Variants in CMIP observed in about 807,000 individuals in gnomAD.
CMIP encodes the protein C-Maf-inducing protein.
CMIP carries 13 observed loss-of-function variants against 97.3 expected under a neutral mutation model. The ratio of observed to expected loss-of-function variants is 0.13; its 90% confidence interval spans 0.09 to 0.21. The LOEUF (loss-of-function observed/expected upper bound fraction) is 0.21. Ranked by LOEUF, CMIP falls within the 10% of genes least tolerant of loss-of-function variation. The probability of loss-of-function intolerance (pLI) is 1.00; values close to 1 mark genes in which losing one functional copy is unlikely to be tolerated. For synonymous variants in CMIP, 538 were observed against 436.3 expected (o/e 1.23, Z -2.91); for missense variants, 847 against 1,024.9 (o/e 0.83, Z 2.37).
intron 1 of CMIP, among the ~76,000 whole-genome samples, chr16:81,557,018 A>G (rs998452224): frequency 4.1e-4 from 63 of 152,208 alleles, no homozygotes; most frequent in Admixed American, 7.8e-4. Context: ...GTTCACGCAA[A>G]GTGTCCGGGT....
chr16:81,517,964 T>C, intron 1 of CMIP: 3 of 969,958 alleles, frequency 3.1e-6, no homozygotes, highest in Non-Finnish European at 3.7e-6. Context: ...CGCCAGTGGA[T>C]GTGTGGAATT....
intron 1 of CMIP, among the ~76,000 whole-genome samples, chr16:81,591,263 C>G (rs997686835): frequency 6.6e-6 from 1 of 152,180 alleles, no homozygotes; most frequent in African/African-American, 2.4e-5. Context: ...GCAGTTGACC[C>G]AGTATCTGGC....
At chr16:81,471,331 C>G (rs956839345) in intron 1 of CMIP, among the ~76,000 whole-genome samples, 4 of 152,176 alleles carry the variant, frequency 2.6e-5, no homozygotes, top group Non-Finnish European at 5.9e-5. Context: ...CATATGCACA[C>G]ATAAATATGT....
At chr16:81,510,393 C>T (rs761231235) in intron 1 of CMIP, among the ~76,000 whole-genome samples, 7 of 152,174 alleles carry the variant, frequency 4.6e-5, no homozygotes, top group Non-Finnish European at 7.3e-5. Context: ...GTTATTACCA[C>T]CTAACATTAT....
chr16:81,586,664 A>G (rs902096104), intron 1 of CMIP, among the ~76,000 whole-genome samples: 1 of 152,120 alleles, frequency 6.6e-6, no homozygotes, highest in Non-Finnish European at 1.5e-5. Flanking sequence ...TTCATCCTTC[A>G]AAGCCCAACT....
chr16:81,652,110 A>T lies in CMIP; in HGVS notation c.478-93A>T, dbSNP rs2092434921. ...AGTTGTCAGTTTCTCAGGGCCCTTT[A>T]CACCCTAACCCATCTGATTCTTTGA... On this transcript the variant is annotated intron_variant, in intron 3 of 20. Coordinates refer to ENST00000537098, the MANE Select transcript of CMIP (RefSeq NM_198390.3). This position sits in a 1 kb window ranked among gnomAD's most constrained non-coding sequence, Gnocchi z 5.2. 2 of 1,023,904 alleles carry T rather than the reference A, an allele frequency of 2.0e-6. No homozygotes were observed. The highest frequency in any genetic ancestry group is 2.1e-5 in the Admixed American group (1 of 47,692). 63.4% of individuals were successfully genotyped at this position (1,023,904 alleles called of 1,614,324 possible).
intron 1 of CMIP, among the ~76,000 whole-genome samples, chr16:81,606,559 C>G (rs1292005996): frequency 6.6e-6 from 1 of 152,140 alleles, no homozygotes; most frequent in Non-Finnish European, 1.5e-5. Flanking sequence ...TGCCCCGCCC[C>G]TACTCCCAAC....
At position 81,514,582 on chromosome 16, in the gene CMIP, C is replaced by G. The variant is rs533378123; in HGVS notation, c.300+69041C>G. 2.0e-5 allele frequency among the ~76,000 whole-genome samples: 3 copies of G among 152,142 alleles called. No individual in the cohort carries two copies. The South Asian group carries it at 6.2e-4, about 32-fold the overall frequency. On this transcript the variant is annotated intron_variant, in intron 1 of 20. Coordinates refer to ENST00000537098, the MANE Select transcript of CMIP (RefSeq NM_198390.3). ...CCTATTAATTAAGACTTTAGCGTGG[C>G]TCTCAGCACCGCATGGGCACCCCTG... is the stretch of plus-strand genomic sequence containing the variant.
intron 1 of CMIP, among the ~76,000 whole-genome samples, chr16:81,485,166 G>A (rs1415423071): frequency 1.3e-5 from 2 of 152,136 alleles, no homozygotes; most frequent in Non-Finnish European, 2.9e-5. Flanking sequence ...ATTCTATTGC[G>A]TATGTATACC....
chr16:81,648,964 G>T (rs2092396865), intron 3 of CMIP, among the ~76,000 whole-genome samples: 1 of 152,034 alleles, frequency 6.6e-6, no homozygotes, highest in Non-Finnish European at 1.5e-5. Flanking sequence ...GCTTGACAGT[G>T]CCCTGTTTAT....
chr16:81,542,082 C>T (rs2090459943), intron 1 of CMIP, among the ~76,000 whole-genome samples: 2 of 152,098 alleles, frequency 1.3e-5, no homozygotes, highest in Admixed American at 6.6e-5. Context: ...ATGTGAAGGC[C>T]CTTTCTCGCT....
intron 3 of CMIP, among the ~76,000 whole-genome samples, chr16:81,639,619 G>T (rs1007604576): frequency 6.6e-6 from 1 of 152,218 alleles, no homozygotes; most frequent in African/African-American, 2.4e-5. Flanking sequence ...CAGTGAATGG[G>T]TAGACCACAC....
chr16:81,681,866 G>A (rs926853336), intron 10 of CMIP, among the ~76,000 whole-genome samples: 4 of 152,168 alleles, frequency 2.6e-5, no homozygotes, highest in Non-Finnish European at 5.9e-5. Context: ...ATTCAGGGAT[G>A]TTGGAGATTT....
chr16:81,470,940 A>G (rs571501439), intron 1 of CMIP, among the ~76,000 whole-genome samples: 186 of 152,382 alleles, frequency 1.2e-3, no homozygotes, highest in Non-Finnish European at 1.1e-3. Context: ...GTACATACAC[A>G]TAGGCACACA....
intron 1 of CMIP, among the ~76,000 whole-genome samples, chr16:81,576,097 A>C (rs1017149021): frequency 2.2e-4 from 34 of 152,140 alleles, no homozygotes; most frequent in African/African-American, 7.7e-4. Context: ...ATTTTCTTGC[A>C]TACCTCTAAG....
chr16:81,525,590 C>G (rs1247495087), intron 1 of CMIP, among the ~76,000 whole-genome samples: 1 of 152,134 alleles, frequency 6.6e-6, no homozygotes, highest in Non-Finnish European at 1.5e-5. Flanking sequence ...TGGTTCTCCT[C>G]CGTCAGCCTC....
chr16:81,514,646 G>C (rs1309790735), intron 1 of CMIP, among the ~76,000 whole-genome samples: 2 of 152,166 alleles, frequency 1.3e-5, no homozygotes, highest in Admixed American at 1.3e-4. Flanking sequence ...TGGCTCTGGA[G>C]CCTGAGAGCC....
chr16:81,630,242 C>T (rs1194963940), intron 3 of CMIP: 1 of 152,284 alleles, frequency 6.6e-6, no homozygotes, highest in African/African-American at 2.4e-5. Flanking sequence ...CATTCTTCTT[C>T]TCTGATCTAC....
intron 6 of CMIP, among the ~76,000 whole-genome samples, 186 bp from the exon 7 acceptor site, chr16:81,664,083 C>G (rs1476825083): frequency 6.6e-6 from 1 of 152,182 alleles, no homozygotes; most frequent in East Asian, 1.9e-4. Context: ...CCTCTCCGTT[C>G]TGCTCTGAAC....
Sources: gnomAD v4.1 joint callset for allele counts (sites outside exome capture counted in the v4.1 genomes callset) on GRCh38, gnomAD v4.1.1 for gene constraint, Gnocchi (gnomAD v3.1) non-coding constraint, MANE v1.5 for transcripts, NCBI Gene and HGNC (gene_info 2026-07-23, HGNC 2026-07-21) for gene names.